Variants in KLHL13 observed in about 807,000 individuals in gnomAD.
KLHL13 encodes the protein kelch-like protein 13.
KLHL13 carries 10 observed loss-of-function variants against 37.1 expected under a neutral mutation model. The ratio of observed to expected loss-of-function variants is 0.27; its 90% CI spans 0.17 to 0.46. The LOEUF (loss-of-function observed/expected upper bound fraction) is 0.46. Ranked by LOEUF, KLHL13 falls within the 20% of genes least tolerant of loss-of-function variation. The pLI, the probability that KLHL13 is intolerant of heterozygous loss-of-function variation, is 1.00. For missense variants in KLHL13, 360 were observed against 509.3 expected, an observed-to-expected ratio of 0.71 and a Z score of 2.82; for synonymous variants, 163 against 181.2, an observed-to-expected ratio of 0.90 and a Z score of 0.81.
intron 1 of KLHL13, among the ~76,000 whole-genome samples, chrX:118,082,168 ATTTT>A (rs1011802649): frequency 2.7e-5 from 3 of 110,655 alleles, no homozygotes; most frequent in African/African-American, 9.9e-5. Flanking sequence ...ATCTATTTAG[ATTTT>A]TTTAGGAACC....
intron 1 of KLHL13, among the ~76,000 whole-genome samples, chrX:118,024,265 GT>G (rs2054251191): frequency 8.9e-6 from 1 of 111,962 alleles, no homozygotes; most frequent in African/African-American, 3.2e-5. Context: ...CACTTCTCTG[GT>G]TTGCGGTCAA....
At chrX:117,985,949 G>A (rs184752198) in intron 1 of KLHL13, among the ~76,000 whole-genome samples, 83 of 110,203 alleles carry the variant, frequency 7.5e-4, no homozygotes, top group African/African-American at 2.6e-3. Context: ...CATCTAGATC[G>A]CTTTTTAAAA....
rs6646015 is a variant in KLHL13 at position 117,967,988 on chromosome X, G to C, written c.98+4743C>G. The stretch of plus-strand genomic sequence containing the variant: ...GCCCTTTAAGACAAGCAGAGATTCT[G>C]CTTAAAGGAAGAGAATTGTCTTCTA... On this transcript the variant is annotated intron_variant, in intron 1 of 6. Coordinates refer to ENST00000262820, the Ensembl canonical transcript of KLHL13. 7.0e-3 allele frequency among the ~76,000 whole-genome samples: 780 copies of C among 111,370 alleles called. 5 individuals carry two copies. The highest frequency in any genetic ancestry group is 0.022 in the African/African-American group (689 of 30,698).
intron 1 of KLHL13, among the ~76,000 whole-genome samples, chrX:118,060,548 C>A (rs1310892165): frequency 9.0e-6 from 1 of 110,918 alleles, no homozygotes; most frequent in South Asian, 3.8e-4. Flanking sequence ...AGACACTTTA[C>A]ATTAGTTACT....
At chrX:118,002,835 G>C (rs1204474518) in intron 1 of KLHL13, among the ~76,000 whole-genome samples, 1 of 111,191 alleles carries the variant, frequency 9.0e-6, no homozygotes, top group African/African-American at 3.3e-5. Context: ...TTAAGTGTAA[G>C]GAAGTCCAAC....
rs190628595 is a variant in KLHL13, at chrX:118,057,193, G to A, written c.-56+59315C>T. On this transcript the variant is annotated intron_variant, in intron 1 of 6. Coordinates refer to the KLHL13 transcript ENST00000371882. ...ATTGAGAGTCCAGAAATAAAGCCAC[G>A]TGTCTATGGTTAACTATTTTCCATA... Among the ~76,000 whole-genome samples, 815 of 111,922 alleles carry A rather than the reference G, an allele frequency of 7.3e-3. 16 individuals are homozygous for A. The highest frequency in any genetic ancestry group is 9.3e-3 in the Non-Finnish European group (495 of 53,179).
chrX:117,945,407 C>G, intron 2 of KLHL13, 27 bp downstream of exon 3: 1 of 1,194,087 alleles, frequency 8.4e-7, no homozygotes, highest in Non-Finnish European at 1.1e-6. Context: ...GCTACGTAAA[C>G]ACTACCAAAG....
chrX:118,082,224 C>T (rs1270282743), intron 1 of KLHL13, among the ~76,000 whole-genome samples: 2 of 110,791 alleles, frequency 1.8e-5, no homozygotes, highest in Non-Finnish European at 3.8e-5. Context: ...TTCACAACTC[C>T]ACCAACAATA....
intron 4 of KLHL13, among the ~76,000 whole-genome samples, chrX:117,913,001 A>T (rs1931087946): frequency 8.9e-6 from 1 of 112,266 alleles, no homozygotes; most frequent in Non-Finnish European, 1.9e-5. Flanking sequence ...GACAAGAAAA[A>T]TATGTAATAG....
At position 118,094,892 on chromosome X, in the gene KLHL13, A is replaced by T. The variant is rs1220441721; in HGVS notation, c.-56+21616T>A. 3.6e-5 allele frequency among the ~76,000 whole-genome samples: 4 copies of T among 111,518 alleles called. No homozygotes were observed. The Admixed American group carries it at 3.8e-4, about 11-fold the overall frequency. ...CCCTAAAAGAGCTCCTGAAGGAAGC[A>T]CTAAACATGGAAAGGAACAACTGGT... is the stretch of plus-strand genomic sequence containing the variant. On this transcript the variant is annotated intron_variant, in intron 1 of 6. Coordinates refer to the KLHL13 transcript ENST00000371882.
chrX:118,105,029 GT>G (rs756881052), intron 1 of KLHL13, among the ~76,000 whole-genome samples: 9 of 112,145 alleles, frequency 8.0e-5, no homozygotes, highest in African/African-American at 2.6e-4. Flanking sequence ...AACCTCTAAA[GT>G]TTTTTTCCAG....
intron 1 of KLHL13, among the ~76,000 whole-genome samples, chrX:117,952,954 G>A (rs1933705361): frequency 5.4e-5 from 6 of 111,188 alleles, no homozygotes; most frequent in Admixed American, 4.8e-4. Context: ...TACACTGTTG[G>A]TGGGACTGTA....
chrX:118,054,322 A>C (rs2148079331), intron 1 of KLHL13, among the ~76,000 whole-genome samples: 1 of 111,754 alleles, frequency 8.9e-6, no homozygotes, highest in East Asian at 2.8e-4. Context: ...ACTATCTTAA[A>C]ACAAAAATGC....
chrX:118,077,066 T>C (rs2054937367), intron 1 of KLHL13, among the ~76,000 whole-genome samples: 1 of 111,080 alleles, frequency 9.0e-6, no homozygotes, highest in Non-Finnish European at 1.9e-5. Context: ...ACCTCTGTGT[T>C]TCCTCTTGGC....
At chrX:118,050,438 A>G (rs2054601721) in intron 1 of KLHL13, among the ~76,000 whole-genome samples, 1 of 112,015 alleles carries the variant, frequency 8.9e-6, no homozygotes, top group Non-Finnish European at 1.9e-5. Context: ...ATCAAATGCC[A>G]GGCTTAGGCT....
At chrX:117,965,719 C>T (rs1459875049) in intron 1 of KLHL13, among the ~76,000 whole-genome samples, 65 of 111,714 alleles carry the variant, frequency 5.8e-4, no homozygotes, top group African/African-American at 2.0e-3. Flanking sequence ...ATCAAGTGGG[C>T]TTCATCCCTG....
chrX:117,909,879 C>A (rs371548241), exon 5 of KLHL13: 15 of 1,209,994 alleles, frequency 1.2e-5, no homozygotes, highest in Non-Finnish European at 1.6e-5. Flanking sequence ...GCGAAGCCAA[C>A]GACAGGTAGC....
At chrX:117,967,909 A>T (rs2053463355) in intron 1 of KLHL13, among the ~76,000 whole-genome samples, 1 of 111,753 alleles carries the variant, frequency 8.9e-6, no homozygotes, top group Non-Finnish European at 1.9e-5. Flanking sequence ...CAAACTGTAA[A>T]TTCACTAGGG....
At chrX:118,021,207 G>A (rs1196388304) in intron 1 of KLHL13, among the ~76,000 whole-genome samples, 1 of 106,912 alleles carries the variant, frequency 9.4e-6, no homozygotes, top group Non-Finnish European at 1.9e-5. Flanking sequence ...TGTCCTCCAC[G>A]TTCATCCATG....
Sources: allele counts gnomAD v4.1 joint callset (sites outside exome capture counted in the v4.1 genomes callset), GRCh38; gene constraint gnomAD v4.1.1; transcripts MANE v1.5; gene names NCBI Gene and HGNC (gene_info 2026-07-23, HGNC 2026-07-21).